BEND3: variants seen among roughly 807,000 people sequenced by gnomAD.
The protein encoded by BEND3 is BEN domain containing 3, also known as BEN domain-containing protein 3.
In BEND3, 13 loss-of-function variants were observed where a neutral mutation model predicts 60.1. The observed-to-expected ratio is 0.22, with a 90% CI of 0.14 to 0.34. BEND3 has a LOEUF of 0.34. Ranked by LOEUF, BEND3 falls within the 10% of genes least tolerant of loss-of-function variation. BEND3 has a pLI of 1.00. For synonymous variants in BEND3, 497 were observed against 491.5 expected (o/e 1.01, Z -0.15); for missense variants, 896 against 1,138.1 (o/e 0.79, Z 3.06).
intron 1 of BEND3, among the ~76,000 whole-genome samples, chr6:107,100,490 A>G (rs1032965317): frequency 2.0e-5 from 3 of 150,708 alleles, no homozygotes; most frequent in Admixed American, 1.3e-4. Context: ...GATGGTCTCG[A>G]TCTCCTGACC....
Position 107,089,927 on chromosome 6 carries a change from A to C in BEND3, c.240+8624T>G, listed in dbSNP as rs545944046. Among the ~76,000 whole-genome samples the C allele has an allele frequency of 2.0e-5, 3 of 152,092 alleles. No individual in the cohort carries two copies. The South Asian group carries it at 6.2e-4, about 32-fold the overall frequency. ...ACAGATTTACTACAATCCCTATCAA[A>C]ATTCCAATGATATTCTTCACAAAAA... is the stretch of plus-strand genomic sequence containing the variant. On this transcript the variant is annotated intron_variant, in intron 3 of 3. Coordinates refer to ENST00000369042, the MANE Select transcript of BEND3 (RefSeq NM_001367314.1).
intron 3 of BEND3, among the ~76,000 whole-genome samples, chr6:107,086,288 A>C (rs1178456379): frequency 6.6e-6 from 1 of 152,046 alleles, no homozygotes; most frequent in Non-Finnish European, 1.5e-5. Flanking sequence ...GGAACTACAA[A>C]GTCCAAGTGA....
chr6:107,081,153 C>T (rs1017484096), intron 3 of BEND3, among the ~76,000 whole-genome samples: 1 of 151,850 alleles, frequency 6.6e-6, no homozygotes, highest in African/African-American at 2.4e-5. Context: ...AGTGATCCAC[C>T]TAACTTAGCC....
chr6:107,101,631 C>T (rs1775704047), intron 1 of BEND3, among the ~76,000 whole-genome samples: 2 of 152,204 alleles, frequency 1.3e-5, no homozygotes, highest in South Asian at 4.1e-4. Context: ...AATAAGTCAA[C>T]TTCAAGGGTC....
At position 107,109,299 on chromosome 6, in the gene BEND3, C is replaced by T. The variant is rs146288878; in HGVS notation, c.-12+5791G>A. On this transcript the variant is annotated intron_variant, in intron 1 of 3. Transcript: ENST00000369042. ...TCTCTACTAAAAATACAAAAATTAGCTGGGTATGGTGGCACGGGCCTGTAA... is the reference window on the plus strand; with the variant it reads ...TCTCTACTAAAAATACAAAAATTAGTTGGGTATGGTGGCACGGGCCTGTAA... Among the ~76,000 whole-genome samples the T allele has an allele frequency of 7.1e-4, 107 of 150,906 alleles. 1 individual carries two copies. The East Asian group carries it at 0.02, about 28-fold the overall frequency.
At position 107,068,899 on chromosome 6, in the gene BEND3, G is replaced by A. The variant is rs146594050; in HGVS notation, c.2292C>T (p.Ser764=). The stretch of plus-strand genomic sequence containing the variant: ...CCAGTTGCTTCTTGTTGCAAGCCCC[G>A]GAATGGTTGTACTGCAGCCGGAGGT... ...AENLRLQYNH[S]GACNKKQLDP... Residue 764 remains serine, a synonymous_variant, in exon 4 of 4, where the codon TCC becomes TCT. Coordinates refer to ENST00000369042, the MANE Select transcript of BEND3 (RefSeq NM_001367314.1). This position sits in a 1 kb window ranked among gnomAD's most constrained non-coding sequence, Gnocchi z 5.8. 387 of 1,614,046 alleles carry A rather than the reference G, an allele frequency of 2.4e-4. No individual in the cohort carries two copies. In the African/African-American group the frequency reaches 4.3e-3, roughly 18 times the overall value.
rs564645411 is a variant in BEND3, at chr6:107,080,479, G to T, written c.241-9529C>A. ...CACCATATATATCTTAGAAGAAACAGAAGATTCAGCGGCAGAGGATAAGAG... is the reference window on the plus strand; with the variant it reads ...CACCATATATATCTTAGAAGAAACATAAGATTCAGCGGCAGAGGATAAGAG... On this transcript the variant is annotated intron_variant, in intron 3 of 3. Transcript: ENST00000369042. Among the ~76,000 whole-genome samples the T allele has an allele frequency of 2.4e-4, 37 of 151,660 alleles. No individual in the cohort carries two copies. The South Asian group carries it at 7.7e-3, about 32-fold the overall frequency.
At chr6:107,087,689 A>G (rs1775381728) in intron 3 of BEND3, among the ~76,000 whole-genome samples, 2 of 151,534 alleles carry the variant, frequency 1.3e-5, no homozygotes, top group Non-Finnish European at 2.9e-5. Flanking sequence ...GTGAGCTGAG[A>G]TTGTGCCACT....
chr6:107,096,047 G>A (rs1166350478), intron 3 of BEND3, among the ~76,000 whole-genome samples: 5 of 152,186 alleles, frequency 3.3e-5, no homozygotes, highest in Non-Finnish European at 5.9e-5. Flanking sequence ...GCAATAATGT[G>A]TCAATGGGGG....
At chr6:107,072,685 TC>T (rs1775008382) in intron 3 of BEND3, among the ~76,000 whole-genome samples, 2 of 152,212 alleles carry the variant, frequency 1.3e-5, no homozygotes, top group Non-Finnish European at 1.5e-5. Flanking sequence ...GTGTTCTTTT[TC>T]ATTTAAATTA....
intron 3 of BEND3, among the ~76,000 whole-genome samples, chr6:107,085,472 C>T (rs1775325166): frequency 6.6e-6 from 1 of 151,988 alleles, no homozygotes; most frequent in African/African-American, 2.4e-5. Flanking sequence ...TTTGTTTTTT[C>T]TTTCTTTTTA....
intron 2 of BEND3, among the ~76,000 whole-genome samples, 191 bp downstream of exon 2, chr6:107,099,058 T>C (rs1292227387): frequency 6.6e-6 from 1 of 152,004 alleles, no homozygotes; most frequent in African/African-American, 2.4e-5. Context: ...AAAAAAGTAA[T>C]TTTTAAAAAG....
intron 1 of BEND3, among the ~76,000 whole-genome samples, chr6:107,109,176 G>T (rs1337046070): frequency 1.3e-5 from 2 of 151,814 alleles, no homozygotes; most frequent in Non-Finnish European, 2.9e-5. Flanking sequence ...CGGTCTGGGC[G>T]TGGTGGCTCA....
intron 3 of BEND3, among the ~76,000 whole-genome samples, chr6:107,094,161 G>C (rs140007605): frequency 6.6e-6 from 1 of 152,168 alleles, no homozygotes; most frequent in Non-Finnish European, 1.5e-5. Context: ...TACTTGAGCC[G>C]AGGAGCTCGA....
At chr6:107,087,049 A>C (rs945802553) in intron 3 of BEND3, among the ~76,000 whole-genome samples, 19 of 148,320 alleles carry the variant, frequency 1.3e-4, no homozygotes, top group Non-Finnish European at 2.0e-4. Flanking sequence ...AAAGAAAAAG[A>C]AAAAAAAACT....
At chr6:107,109,899 C>T (rs951224815) in intron 1 of BEND3, among the ~76,000 whole-genome samples, 1 of 152,012 alleles carries the variant, frequency 6.6e-6, no homozygotes, top group Non-Finnish European at 1.5e-5. Context: ...GGCATGGTGG[C>T]ACAGGCCTGT....
intron 1 of BEND3, among the ~76,000 whole-genome samples, chr6:107,107,292 T>C (rs1775836913): frequency 6.6e-6 from 1 of 152,098 alleles, no homozygotes; most frequent in African/African-American, 2.4e-5. Context: ...GGCCAGCTGT[T>C]TACCTACCCA....
intron 3 of BEND3, among the ~76,000 whole-genome samples, chr6:107,072,810 C>T (rs1554232242): frequency 6.6e-6 from 1 of 152,054 alleles, no homozygotes; most frequent in South Asian, 2.1e-4. Context: ...TGGCGAAACA[C>T]TGTCTCTACT....
Position 107,070,032 on chromosome 6 carries a change from C to T in BEND3, c.1159G>A (p.Ala387Thr), listed in dbSNP as rs557496798. The change falls in exon 4 of 4, where the codon GCC becomes ACC. Residue 387 changes from alanine to threonine, a missense_variant. Ala to Thr is a moderately conservative substitution (Grantham distance 58). Transcript: ENST00000369042. This position sits in a 1 kb window ranked among gnomAD's most constrained non-coding sequence, Gnocchi z 6.9. ...TGCGTGTCCACCACGTGGTCTGAGGCGATGGTGCTGCTCCGGTCAAGAGAC... is the reference window on the plus strand; with the variant it reads ...TGCGTGTCCACCACGTGGTCTGAGGTGATGGTGCTGCTCCGGTCAAGAGAC... ...ALSLDRSSTI[A>T]SDHVVDTQDL... 10 of 1,613,740 alleles carry T rather than the reference C, an allele frequency of 6.2e-6. No individual in the cohort carries two copies. In the African/African-American group the frequency reaches 6.7e-5, roughly 11 times the overall value.
Sources: allele counts gnomAD v4.1 joint callset (sites outside exome capture counted in the v4.1 genomes callset), GRCh38; gene constraint gnomAD v4.1.1; non-coding constraint Gnocchi (gnomAD v3.1); transcripts MANE v1.5; gene names NCBI Gene and HGNC (gene_info 2026-07-23, HGNC 2026-07-21).